ADSS2: variants seen among roughly 807,000 people sequenced by gnomAD.
ADSS2 encodes adenylosuccinate synthetase isozyme 2.
In ADSS2, 30 loss-of-function variants were observed where a neutral mutation model predicts 60.0. The observed-to-expected ratio is 0.50, with a 90% confidence interval of 0.37 to 0.68. ADSS2 has a LOEUF of 0.68. ADSS2 is among the 30% of genes least tolerant of loss of function. ADSS2 has a pLI of 0.00. For synonymous variants in ADSS2, 187 were observed against 193.1 expected (o/e 0.97, Z 0.26); for missense variants, 373 against 554.8 (o/e 0.67, Z 3.29).
At chr1:244,431,729 G>C (rs1664949757) in intron 4 of ADSS2, among the ~76,000 whole-genome samples, 2 of 152,194 alleles carry the variant, frequency 1.3e-5, no homozygotes, top group Admixed American at 1.3e-4. Context: ...TATAGAAACT[G>C]TATGTTAATC....
At chr1:244,439,995 C>A (rs1429012041) in intron 1 of ADSS2, among the ~76,000 whole-genome samples, 4 of 152,230 alleles carry the variant, frequency 2.6e-5, no homozygotes, top group African/African-American at 9.6e-5. Flanking sequence ...CACACAGATT[C>A]TCTCTCAGCG....
chr1:244,439,611 G>T (rs1665186767), intron 1 of ADSS2, among the ~76,000 whole-genome samples: 1 of 152,204 alleles, frequency 6.6e-6, no homozygotes, highest in African/African-American at 2.4e-5. Context: ...GCTGCCTGCG[G>T]TTGGGGGAAG....
Position 244,451,873 on chromosome 1 carries a change from A to G in ADSS2, c.-56T>C. On this transcript the variant is annotated 5_prime_UTR_variant, in exon 1 of 13. Coordinates refer to ENST00000366535, the MANE Select transcript of ADSS2 (RefSeq NM_001126.5). This position sits in a 1 kb window ranked among gnomAD's most constrained non-coding sequence, Gnocchi z 6.6. ...AGAGGCGGCCGGCGAGGAGTGAGCG[A>G]ACTGAACTGCTCTGCGGCCGCCAGC... 6.8e-7 allele frequency: 1 copy of G among 1,470,526 alleles called. No homozygotes were observed. Among genetic ancestry groups the G allele is most frequent in the Non-Finnish European group, 9.0e-7 (1 of 1,108,374 alleles). 91.1% of individuals were successfully genotyped at this position (1,470,526 alleles called of 1,614,324 possible).
At chr1:244,411,553 G>A in intron 11 of ADSS2, 117 bp from the exon 12 acceptor site, 1 of 1,082,566 alleles carries the variant, frequency 9.2e-7, no homozygotes, top group Non-Finnish European at 1.3e-6. Context: ...ATATGTTTTG[G>A]GATTTAGAAT....
chr1:244,414,668 C>A (rs879914397), intron 11 of ADSS2, among the ~76,000 whole-genome samples: 11 of 152,230 alleles, frequency 7.2e-5, no homozygotes, highest in Admixed American at 2.6e-4. Flanking sequence ...CCTACAGGAG[C>A]TATTCCCAGA....
chr1:244,445,451 A>T (rs1439010656), intron 1 of ADSS2, among the ~76,000 whole-genome samples: 1 of 152,220 alleles, frequency 6.6e-6, no homozygotes, highest in Non-Finnish European at 1.5e-5. Flanking sequence ...AACTGTTCTC[A>T]GTTTTTCCAT....
At chr1:244,414,797 C>T (rs1347666074) in intron 11 of ADSS2, among the ~76,000 whole-genome samples, 3 of 152,198 alleles carry the variant, frequency 2.0e-5, no homozygotes, top group Non-Finnish European at 2.9e-5. Flanking sequence ...AAGGGAGCTA[C>T]CTCACTTGAG....
chr1:244,411,852 G>C (rs566516483), intron 11 of ADSS2, among the ~76,000 whole-genome samples: 3 of 152,314 alleles, frequency 2.0e-5, no homozygotes, highest in African/African-American at 7.2e-5. Context: ...TGTCTTCTGA[G>C]AAATCTAGGG....
intron 1 of ADSS2, among the ~76,000 whole-genome samples, chr1:244,444,472 G>A (rs570159133): frequency 1.7e-4 from 20 of 119,324 alleles, no homozygotes; most frequent in Admixed American, 1.6e-3. Flanking sequence ...CCGAGATCCC[G>A]CCACTGCACT....
intron 3 of ADSS2, among the ~76,000 whole-genome samples, chr1:244,433,573 A>T (rs988756156): frequency 6.6e-6 from 1 of 152,146 alleles, no homozygotes; most frequent in African/African-American, 2.4e-5. Flanking sequence ...TATAACAAAT[A>T]TGGGCTGGGT....
intron 1 of ADSS2, among the ~76,000 whole-genome samples, chr1:244,445,564 C>T (rs1665363797): frequency 6.6e-6 from 1 of 151,780 alleles, no homozygotes; most frequent in East Asian, 1.9e-4. Flanking sequence ...GCTGTCAAAT[C>T]CAATTATAGA....
At chr1:244,428,957 A>G (rs1339590358) in intron 4 of ADSS2, among the ~76,000 whole-genome samples, 3 of 152,184 alleles carry the variant, frequency 2.0e-5, no homozygotes, top group Non-Finnish European at 4.4e-5. Context: ...AATATTACCA[A>G]CCTCACACAT....
chr1:244,443,473 G>C (rs1665299353), intron 1 of ADSS2, among the ~76,000 whole-genome samples: 1 of 152,144 alleles, frequency 6.6e-6, no homozygotes, highest in South Asian at 2.1e-4. Context: ...GTTGTTTCTG[G>C]ATCAATTATA....
At chr1:244,434,719 G>A (rs780644366) in intron 3 of ADSS2, among the ~76,000 whole-genome samples, 53 of 152,080 alleles carry the variant, frequency 3.5e-4, no homozygotes, top group South Asian at 1.5e-3. Context: ...AAAGGGAGTA[G>A]GACAAACTTA....
chr1:244,424,837 A>G (rs1664761024), intron 4 of ADSS2: 1 of 154,884 alleles, frequency 6.5e-6, no homozygotes, highest in African/African-American at 2.4e-5. Flanking sequence ...TCTCTAATCC[A>G]AATGCTGTCA....
intron 11 of ADSS2, among the ~76,000 whole-genome samples, 173 bp downstream of exon 11, chr1:244,415,808 T>A (rs778412710): frequency 1.6e-4 from 24 of 152,188 alleles, no homozygotes; most frequent in Non-Finnish European, 2.6e-4. Flanking sequence ...AACACCTAAA[T>A]AAGTATTAGC....
At chr1:244,431,002 C>T (rs1212975292) in intron 4 of ADSS2, among the ~76,000 whole-genome samples, 1 of 151,894 alleles carries the variant, frequency 6.6e-6, no homozygotes, top group African/African-American at 2.4e-5. Flanking sequence ...ACCTGTAATC[C>T]CAGATACTCA....
intron 4 of ADSS2, among the ~76,000 whole-genome samples, chr1:244,429,515 TCAGA>T (rs1395068020): frequency 6.6e-6 from 1 of 152,226 alleles, no homozygotes; most frequent in Non-Finnish European, 1.5e-5. Flanking sequence ...GCAACGATTC[TCAGA>T]CAATTTTCCA....
At chr1:244,429,076 A>T (rs1664871086) in intron 4 of ADSS2, among the ~76,000 whole-genome samples, 1 of 152,234 alleles carries the variant, frequency 6.6e-6, no homozygotes. Flanking sequence ...GACCAAGTAC[A>T]GCACTTAAAT....
Sources: gnomAD v4.1 joint callset for allele counts (sites outside exome capture counted in the v4.1 genomes callset) on GRCh38, gnomAD v4.1.1 for gene constraint, Gnocchi (gnomAD v3.1) non-coding constraint, MANE v1.5 for transcripts, NCBI Gene and HGNC (gene_info 2026-07-23, HGNC 2026-07-21) for gene names.